Variants in DPYD observed in about 807,000 individuals in gnomAD.
DPYD encodes the protein dihydropyrimidine dehydrogenase [NADP(+)].
Under a neutral mutation model 116.2 loss-of-function variants are expected in DPYD, and 109 were observed. That is an observed-to-expected ratio of 0.94 (90% CI 0.80 to 1.10). The LOEUF (loss-of-function observed/expected upper bound fraction) is 1.10. DPYD is among the 50% of genes least tolerant of loss of function. The probability of loss-of-function intolerance (pLI) is 0.00; values close to 1 mark genes in which losing one functional copy is unlikely to be tolerated. For synonymous variants in DPYD, 440 were observed against 432.0 expected, an observed-to-expected ratio of 1.02 and a Z score of -0.23; for missense variants, 1,302 against 1,254.5, an observed-to-expected ratio of 1.04 and a Z score of -0.57.
intron 8 of DPYD, among the ~76,000 whole-genome samples, chr1:97,629,282 G>A (rs1188400854): frequency 2.0e-5 from 3 of 152,030 alleles, no homozygotes. Flanking sequence ...TCAAGTGGAA[G>A]TATTTATTTG....
intron 20 of DPYD, among the ~76,000 whole-genome samples, chr1:97,162,230 C>T (rs1655966876): frequency 6.6e-6 from 1 of 152,110 alleles, no homozygotes; most frequent in Admixed American, 6.6e-5. Context: ...CTCTCCAGCA[C>T]CTGTTGTTTA....
intron 21 of DPYD, among the ~76,000 whole-genome samples, chr1:97,093,678 T>C (rs1360784662): frequency 6.6e-6 from 1 of 152,188 alleles, no homozygotes; most frequent in East Asian, 1.9e-4. Flanking sequence ...AGTAGTCCCA[T>C]GCCTAATTCA....
intron 19 of DPYD, among the ~76,000 whole-genome samples, chr1:97,225,033 CTATCT>C (rs1291209773): frequency 4.0e-5 from 6 of 151,578 alleles, no homozygotes; most frequent in African/African-American, 1.5e-4. Flanking sequence ...ATCTATCTAT[CTATCT>C]ATCTATCTAT....
chr1:97,855,139 T>A (rs1000199809), intron 2 of DPYD: 1 of 152,244 alleles, frequency 6.6e-6, no homozygotes, highest in Non-Finnish European at 1.5e-5. Context: ...CAGGCACTTG[T>A]TCGGTTCAGA....
At chr1:97,356,281 C>A (rs1670425736) in intron 16 of DPYD, among the ~76,000 whole-genome samples, 2 of 152,070 alleles carry the variant, frequency 1.3e-5, no homozygotes, top group South Asian at 2.1e-4. Flanking sequence ...CAAACTATTT[C>A]TTTTCTTTCC....
At chr1:97,623,294 C>T (rs543138054) in intron 8 of DPYD, among the ~76,000 whole-genome samples, 21 of 152,198 alleles carry the variant, frequency 1.4e-4, no homozygotes, top group African/African-American at 5.1e-4. Context: ...AGTAAAGATT[C>T]CTCATGAATT....
intron 15 of DPYD, among the ~76,000 whole-genome samples, chr1:97,377,606 C>T (rs1237964805): frequency 6.6e-6 from 1 of 152,188 alleles, no homozygotes; most frequent in Non-Finnish European, 1.5e-5. Context: ...TATAAAAACA[C>T]CCAGAGAAAC....
At chr1:97,493,807 C>T (rs1473579472) in intron 13 of DPYD, among the ~76,000 whole-genome samples, 1 of 152,094 alleles carries the variant, frequency 6.6e-6, no homozygotes, top group African/African-American at 2.4e-5. Context: ...AAATTCTACC[C>T]GCAGCAAAAT....
chr1:97,121,360 AC>A (rs1189863449), intron 20 of DPYD, among the ~76,000 whole-genome samples: 10 of 152,228 alleles, frequency 6.6e-5, no homozygotes, highest in African/African-American at 2.4e-4. Context: ...CCCTTCCATG[AC>A]TTTTTCCCCT....
At chr1:97,249,817 T>C (rs1241489824) in intron 18 of DPYD, among the ~76,000 whole-genome samples, 6 of 151,966 alleles carry the variant, frequency 3.9e-5, no homozygotes, top group Non-Finnish European at 8.8e-5. Context: ...AATAAATACA[T>C]AAAAAAGTGT....
intron 5 of DPYD, chr1:97,721,075 T>C (rs982118189): frequency 1.4e-4 from 164 of 1,162,952 alleles, no homozygotes; most frequent in Non-Finnish European, 1.8e-4. Flanking sequence ...TTCAGGGTTT[T>C]TGAAAATTCT....
chr1:97,097,086 A>C (rs1330309604), intron 21 of DPYD, among the ~76,000 whole-genome samples: 1 of 152,304 alleles, frequency 6.6e-6, no homozygotes, highest in South Asian at 2.1e-4. Context: ...ATTAGTGTTC[A>C]GTTTGTTCAG....
In DPYD at chr1:97,895,935, T is replaced by G. The variant is rs148586550; in HGVS notation, c.40-12561A>C. ...CCAAAAACAACCTAGGAATTCCAAT[T>G]TAAGAGAACAAATATCTCACTTAAA... is the stretch of plus-strand genomic sequence containing the variant. On this transcript the variant is annotated intron_variant, in intron 1 of 22. Transcript: ENST00000370192. 5.3e-3 allele frequency among the ~76,000 whole-genome samples: 798 copies of G among 151,786 alleles called. 3 individuals are homozygous for G. Among genetic ancestry groups the G allele is most frequent in the Non-Finnish European group, 8.6e-3 (583 of 67,766 alleles).
intron 8 of DPYD, among the ~76,000 whole-genome samples, chr1:97,615,995 ACTC>A (rs1310719270): frequency 1.3e-5 from 2 of 151,738 alleles, no homozygotes; most frequent in Admixed American, 6.6e-5. Context: ...TGATACGTTA[ACTC>A]CTCTGAGAAG....
intron 8 of DPYD, among the ~76,000 whole-genome samples, chr1:97,652,870 G>T (rs1279246139): frequency 6.6e-6 from 1 of 152,184 alleles, no homozygotes; most frequent in South Asian, 2.1e-4. Flanking sequence ...CCTATCTACT[G>T]TTATTTACTC....
chr1:97,537,977 G>T (rs747281383), intron 12 of DPYD, among the ~76,000 whole-genome samples: 2 of 151,610 alleles, frequency 1.3e-5, no homozygotes, highest in Admixed American at 1.3e-4. Flanking sequence ...TGAGGCCAGA[G>T]AATCGCTTGA....
At chr1:97,136,075 C>T (rs897056757) in intron 20 of DPYD, among the ~76,000 whole-genome samples, 15 of 152,140 alleles carry the variant, frequency 9.9e-5, no homozygotes, top group Admixed American at 5.9e-4. Flanking sequence ...GTCAATATAA[C>T]GTTAAGACTG....
intron 3 of DPYD, among the ~76,000 whole-genome samples, chr1:97,781,912 G>A (rs1666768144): frequency 6.6e-6 from 1 of 152,156 alleles, no homozygotes; most frequent in Admixed American, 6.5e-5. Context: ...GGAGAAGACT[G>A]AGTCTTAGCA....
chr1:97,776,148 T>G (rs1375175376), intron 3 of DPYD, among the ~76,000 whole-genome samples: 3 of 152,254 alleles, frequency 2.0e-5, no homozygotes, highest in African/African-American at 7.2e-5. Context: ...TTTCATCTGC[T>G]TTATCAAGAG....
Sources: allele counts gnomAD v4.1 joint callset (sites outside exome capture counted in the v4.1 genomes callset), GRCh38; gene constraint gnomAD v4.1.1; transcripts MANE v1.5; gene names NCBI Gene and HGNC (gene_info 2026-07-23, HGNC 2026-07-21).